EPHB1: variants seen among roughly 807,000 people sequenced by gnomAD.
The protein encoded by EPHB1 is EPH receptor B1.
Under a neutral mutation model 94.4 loss-of-function variants are expected in EPHB1, and 30 were observed. The ratio of observed to expected loss-of-function variants is 0.32; its 90% confidence interval spans 0.24 to 0.43. The LOEUF (loss-of-function observed/expected upper bound fraction) is 0.43. EPHB1 is among the 20% of genes least tolerant of loss of function. The probability of loss-of-function intolerance (pLI) is 1.00; values close to 1 mark genes in which losing one functional copy is unlikely to be tolerated. For synonymous variants in EPHB1, 522 were observed against 489.1 expected (o/e 1.07, Z -0.89); for missense variants, 1,055 against 1,308.3 (o/e 0.81, Z 2.99).
intron 1 of EPHB1, among the ~76,000 whole-genome samples, chr3:134,839,479 A>G (rs1170206502): frequency 6.6e-6 from 1 of 152,164 alleles, no homozygotes; most frequent in Non-Finnish European, 1.5e-5. Flanking sequence ...TGAGTTTGAC[A>G]GGAGCTAAGC....
chr3:135,051,809 C>A (rs1182679769), intron 3 of EPHB1, among the ~76,000 whole-genome samples: 1 of 152,126 alleles, frequency 6.6e-6, no homozygotes, highest in Non-Finnish European at 1.5e-5. Context: ...GAGGCATTAC[C>A]TCATTTCTCT....
chr3:134,972,807 G>T (rs1934029987), intron 3 of EPHB1, among the ~76,000 whole-genome samples: 1 of 152,164 alleles, frequency 6.6e-6, no homozygotes, highest in Non-Finnish European at 1.5e-5. Flanking sequence ...TTTCAGTCCT[G>T]TGAGTGTATT....
intron 15 of EPHB1, among the ~76,000 whole-genome samples, chr3:135,255,764 G>C (rs1251662309): frequency 6.9e-6 from 1 of 145,134 alleles, no homozygotes; most frequent in East Asian, 2.0e-4. Context: ...TTCAATTCCT[G>C]GGTATCCTTG....
intron 15 of EPHB1, among the ~76,000 whole-genome samples, 193 bp from the exon 16 acceptor site, chr3:135,258,819 G>A (rs1230402656): frequency 6.6e-6 from 1 of 152,202 alleles, no homozygotes. Context: ...GCTGGAGGAA[G>A]CATTAGAGAA....
chr3:135,141,178 G>A (rs1940814991), intron 5 of EPHB1, among the ~76,000 whole-genome samples: 1 of 146,298 alleles, frequency 6.8e-6, no homozygotes, highest in Non-Finnish European at 1.5e-5. Flanking sequence ...TTTTTTGATG[G>A]AAGAGCAAAC....
At position 135,053,027 on chromosome 3, in the gene EPHB1, G is replaced by GTATATATATA. The variant is rs1243029809; in HGVS notation, c.806-53402_806-53393dup. Among the ~76,000 whole-genome samples, 62 of 110,446 alleles carry GTATATATATA rather than the reference G, an allele frequency of 5.6e-4. 1 individual carries two copies. The highest frequency in any genetic ancestry group is 4.2e-3 in the Middle Eastern group (1 of 236). The allele number at this position is 110,446 out of a possible 152,430, so 72.5% of individuals were successfully genotyped here. A position where few individuals can be genotyped will look rare whatever the true frequency, so the allele number is the denominator to read the frequency against. ...TGTGTATATATATGTGTGTGTGTGT[G>GTATATATATA]TATATATATATATATATATATATAT... is the stretch of plus-strand genomic sequence containing the variant. On this transcript the variant is annotated intron_variant, in intron 3 of 15. Coordinates refer to ENST00000398015, the MANE Select transcript of EPHB1 (RefSeq NM_004441.5).
intron 9 of EPHB1, 35 bp from the exon 10 acceptor site, chr3:135,179,825 T>C (rs370980677): frequency 3.5e-5 from 56 of 1,612,180 alleles, no homozygotes; most frequent in African/African-American, 9.3e-5. Flanking sequence ...CATGTCCTCT[T>C]TGGGATGTTA....
intron 5 of EPHB1, among the ~76,000 whole-genome samples, chr3:135,151,530 A>C (rs1057328916): frequency 1.3e-5 from 2 of 152,040 alleles, no homozygotes; most frequent in African/African-American, 2.4e-5. Context: ...ATATTTTAAC[A>C]CAGCTTATGA....
Position 135,118,294 on chromosome 3 carries a change from A to G in EPHB1, c.961+11691A>G, listed in dbSNP as rs986085649. Reference sequence around the variant, plus strand: ...CCATGGTGCTCCACTACTCAGTGATAGCTGATTGGAATAAGAACACATGTG... The same window carrying G: ...CCATGGTGCTCCACTACTCAGTGATGGCTGATTGGAATAAGAACACATGTG... On this transcript the variant is annotated intron_variant, in intron 4 of 15. Transcript: ENST00000398015. Among the ~76,000 whole-genome samples the G allele has an allele frequency of 3.3e-5, 5 of 152,190 alleles. No homozygotes were observed. The South Asian group carries it at 1.0e-3, about 31-fold the overall frequency.
At position 135,233,289 on chromosome 3, in the gene EPHB1, A is replaced by C. The variant is rs534930299; in HGVS notation, c.2347-7859A>C. ...CATTGGGTAAATACACCCATTCCAA[A>C]GGGAAGAAATGGGCCAAACAAAGGG... On this transcript the variant is annotated intron_variant, in intron 12 of 15. Transcript: ENST00000398015. Among the ~76,000 whole-genome samples, 8 of 152,368 alleles carry C rather than the reference A, an allele frequency of 5.3e-5. No homozygotes were observed. The South Asian group carries it at 1.7e-3, about 32-fold the overall frequency.
rs147214360 is a variant in EPHB1, at chr3:135,113,693, G to T, written c.961+7090G>T. ...CTTCCTCACTCCTGGCCATTGGTCGGTCCTTAAGGACCAATGCTCAGCAGG... is the reference window on the plus strand; with the variant it reads ...CTTCCTCACTCCTGGCCATTGGTCGTTCCTTAAGGACCAATGCTCAGCAGG... On this transcript the variant is annotated intron_variant, in intron 4 of 15. Coordinates refer to ENST00000398015, the MANE Select transcript of EPHB1 (RefSeq NM_004441.5). Among the ~76,000 whole-genome samples, 358 of 152,260 alleles carry T rather than the reference G, an allele frequency of 2.4e-3. 3 individuals are homozygous for T. Among genetic ancestry groups the T allele is most frequent in the Middle Eastern group, 6.8e-3 (2 of 294 alleles).
At chr3:134,835,390 G>A (rs1306147210) in intron 1 of EPHB1, among the ~76,000 whole-genome samples, 1 of 152,202 alleles carries the variant, frequency 6.6e-6, no homozygotes, top group Non-Finnish European at 1.5e-5. Flanking sequence ...TTTCAGCCCT[G>A]TGGAGGGGTT....
At chr3:135,108,747 C>G (rs1471872482) in intron 4 of EPHB1, among the ~76,000 whole-genome samples, 1 of 152,210 alleles carries the variant, frequency 6.6e-6, no homozygotes, top group Non-Finnish European at 1.5e-5. Context: ...CCCAGGCCTG[C>G]AGCTCTAGAT....
intron 2 of EPHB1, among the ~76,000 whole-genome samples, chr3:134,942,474 G>A (rs2039138381): frequency 6.6e-6 from 1 of 152,236 alleles, no homozygotes. Flanking sequence ...ACAAAATGGA[G>A]AGGGCAGAGT....
At chr3:134,830,157 A>G (rs992263441) in intron 1 of EPHB1, among the ~76,000 whole-genome samples, 8 of 151,772 alleles carry the variant, frequency 5.3e-5, no homozygotes, top group African/African-American at 1.7e-4. Flanking sequence ...CTGCACACAT[A>G]TGTGCCATAT....
At chr3:135,102,187 G>A (rs187896709) in intron 3 of EPHB1, among the ~76,000 whole-genome samples, 13 of 152,296 alleles carry the variant, frequency 8.5e-5, no homozygotes, top group East Asian at 3.9e-4. Context: ...TTAGGCTACC[G>A]CTGTATTTAA....
chr3:134,956,051 A>G (rs1390190878), intron 3 of EPHB1, among the ~76,000 whole-genome samples: 1 of 151,996 alleles, frequency 6.6e-6, no homozygotes, highest in Non-Finnish European at 1.5e-5. Flanking sequence ...TGTGTAGCCT[A>G]AAATATTGCT....
At chr3:134,936,934 G>T (rs1270258139) in intron 2 of EPHB1, among the ~76,000 whole-genome samples, 2 of 152,216 alleles carry the variant, frequency 1.3e-5, no homozygotes, top group African/African-American at 4.8e-5. Context: ...GGCTGACCGT[G>T]GGATGCAAAT....
rs368102028 is a variant in EPHB1 at position 134,976,457 on chromosome 3, C to T, written c.805+24405C>T. Among the ~76,000 whole-genome samples, 70 of 152,338 alleles carry T rather than the reference C, an allele frequency of 4.6e-4. 2 individuals are homozygous for T. The South Asian group carries it at 0.014, about 31-fold the overall frequency. ...GAGATGACAGGAAACCTTTGGCCTG[C>T]TTGCTAACTTTCTAATATCATCAAA... is the stretch of plus-strand genomic sequence containing the variant. On this transcript the variant is annotated intron_variant, in intron 3 of 15. Coordinates refer to ENST00000398015, the MANE Select transcript of EPHB1 (RefSeq NM_004441.5).
Sources: allele counts gnomAD v4.1 joint callset (sites outside exome capture counted in the v4.1 genomes callset), GRCh38; gene constraint gnomAD v4.1.1; transcripts MANE v1.5; gene names NCBI Gene and HGNC (gene_info 2026-07-23, HGNC 2026-07-21).